The following KCNH1 variants were observed in gnomAD, a reference collection of about 807,000 sequenced individuals.
The protein encoded by KCNH1 is voltage-gated delayed rectifier potassium channel KCNH1.
A neutral mutation model predicts 69.2 loss-of-function variants in KCNH1; 27 were observed. The observed-to-expected ratio is 0.39, with a 90% CI of 0.29 to 0.54. The LOEUF is 0.54. KCNH1 is among the 20% of genes least tolerant of loss of function. The pLI, the probability that KCNH1 is intolerant of heterozygous loss-of-function variation, is 0.68. For synonymous variants in KCNH1, 456 were observed against 487.7 expected (o/e 0.93, Z 0.86); for missense variants, 798 against 1,261.6 (o/e 0.63, Z 5.57).
At chr1:210,978,051 T>C (rs531577548) in intron 6 of KCNH1, among the ~76,000 whole-genome samples, 1 of 151,986 alleles carries the variant, frequency 6.6e-6, no homozygotes, top group East Asian at 1.9e-4. Context: ...ATTTTTTTTT[T>C]TTTTTTTAGA....
At chr1:210,909,067 C>T (rs1051259330) in intron 7 of KCNH1, among the ~76,000 whole-genome samples, 1 of 152,204 alleles carries the variant, frequency 6.6e-6, no homozygotes, top group African/African-American at 2.4e-5. Context: ...AAATTATTCT[C>T]TCCCATGCAT....
intron 10 of KCNH1, among the ~76,000 whole-genome samples, chr1:210,705,200 G>A (rs1681878556): frequency 6.6e-6 from 1 of 152,236 alleles, no homozygotes; most frequent in Non-Finnish European, 1.5e-5. Context: ...CACCCGCTGA[G>A]AAGTATCTGA....
intron 7 of KCNH1, among the ~76,000 whole-genome samples, chr1:210,907,106 T>C (rs1687118517): frequency 6.6e-6 from 1 of 152,176 alleles, no homozygotes; most frequent in Non-Finnish European, 1.5e-5. Flanking sequence ...AATTTAAAAT[T>C]GTAACTTGGT....
chr1:210,830,181 G>A (rs1417638034), intron 7 of KCNH1, among the ~76,000 whole-genome samples: 2 of 152,070 alleles, frequency 1.3e-5, no homozygotes, highest in Non-Finnish European at 2.9e-5. Flanking sequence ...GTCTTTGCAT[G>A]GGCCACTCCC....
At chr1:210,761,023 C>A (rs7541814) in intron 10 of KCNH1, among the ~76,000 whole-genome samples, 2 of 151,576 alleles carry the variant, frequency 1.3e-5, no homozygotes, top group Non-Finnish European at 2.9e-5. Context: ...GAGGCCGAGG[C>A]GGGCGGATCA....
At chr1:210,858,746 T>C (rs1377613769) in intron 7 of KCNH1, 1 of 158,656 alleles carries the variant, frequency 6.3e-6, no homozygotes, top group Non-Finnish European at 1.4e-5. Context: ...TCTCACAGGT[T>C]TAAAAATTAC....
At chr1:210,810,647 T>A (rs1056269439) in intron 7 of KCNH1, among the ~76,000 whole-genome samples, 1 of 152,198 alleles carries the variant, frequency 6.6e-6, no homozygotes, top group Admixed American at 6.5e-5. Flanking sequence ...TTAATTTCCA[T>A]GAGATTTTTT....
At chr1:211,103,131 G>C (rs1242521395) in intron 3 of KCNH1, among the ~76,000 whole-genome samples, 2 of 152,200 alleles carry the variant, frequency 1.3e-5, no homozygotes, top group Non-Finnish European at 2.9e-5. Context: ...GTGGAAGATA[G>C]ATACAAAGAT....
intron 10 of KCNH1, among the ~76,000 whole-genome samples, chr1:210,708,973 C>G (rs6540620): frequency 6.6e-6 from 1 of 151,836 alleles, no homozygotes; most frequent in Non-Finnish European, 1.5e-5. Flanking sequence ...AAAGGGAAAA[C>G]TTTGGGCTGG....
intron 1 of KCNH1, among the ~76,000 whole-genome samples, chr1:211,112,515 A>AG (rs1691493177): frequency 6.8e-6 from 1 of 146,286 alleles, no homozygotes; most frequent in Non-Finnish European, 1.5e-5. Flanking sequence ...AAAAAAAAAA[A>AG]AAAAAAAACA....
chr1:210,685,824 A>G (rs1681397336), intron 10 of KCNH1, among the ~76,000 whole-genome samples: 1 of 152,216 alleles, frequency 6.6e-6, no homozygotes, highest in Non-Finnish European at 1.5e-5. Flanking sequence ...ATTGTTTTAT[A>G]GTGCCCAACA....
chr1:210,685,495 G>A (rs1681390528), intron 10 of KCNH1, among the ~76,000 whole-genome samples: 2 of 152,158 alleles, frequency 1.3e-5, no homozygotes, highest in South Asian at 4.1e-4. Context: ...CAGGAGCAGG[G>A]GTTTGGGGTC....
chr1:211,023,153 AATAAATAAATT>A (rs1558571739), intron 5 of KCNH1, among the ~76,000 whole-genome samples: 24 of 100,774 alleles, frequency 2.4e-4, no homozygotes, highest in Non-Finnish European at 3.9e-4. Context: ...TAAATAAATA[AATAAATAAATT>A]AAAAATGCTG....
intron 7 of KCNH1, among the ~76,000 whole-genome samples, chr1:210,892,943 T>C (rs113731290): frequency 3.3e-5 from 5 of 152,274 alleles, no homozygotes; most frequent in African/African-American, 9.6e-5. Context: ...TATATTATCA[T>C]GATAAATGCA....
intron 5 of KCNH1, among the ~76,000 whole-genome samples, chr1:211,020,098 A>C (rs971686827): frequency 2.0e-5 from 3 of 152,136 alleles, no homozygotes; most frequent in Admixed American, 1.3e-4. Flanking sequence ...AAGGAACGAG[A>C]AAAGCAAGAA....
intron 6 of KCNH1, among the ~76,000 whole-genome samples, chr1:210,937,796 G>T (rs140919460): frequency 6.6e-6 from 1 of 152,072 alleles, no homozygotes; most frequent in Non-Finnish European, 1.5e-5. Context: ...AGATTTGAAC[G>T]CTGACTACTA....
intron 7 of KCNH1, among the ~76,000 whole-genome samples, chr1:210,908,993 G>C (rs1284260412): frequency 6.6e-6 from 1 of 152,228 alleles, no homozygotes; most frequent in Non-Finnish European, 1.5e-5. Flanking sequence ...TTCTTGCAGT[G>C]ATGGTGGGTT....
intron 3 of KCNH1, among the ~76,000 whole-genome samples, chr1:211,092,048 A>G (rs894649863): frequency 6.6e-6 from 1 of 152,252 alleles, no homozygotes; most frequent in Admixed American, 6.5e-5. Flanking sequence ...AATACTTAGC[A>G]TACTATTTTA....
At chr1:210,937,390 T>C (rs768827376) in intron 6 of KCNH1, among the ~76,000 whole-genome samples, 1 of 152,208 alleles carries the variant, frequency 6.6e-6, no homozygotes, top group Non-Finnish European at 1.5e-5. Context: ...AAGCTGAGCA[T>C]GCCAGAATAC....
Sources: gnomAD v4.1 joint callset for allele counts (sites outside exome capture counted in the v4.1 genomes callset) on GRCh38, gnomAD v4.1.1 for gene constraint, MANE v1.5 for transcripts, NCBI Gene and HGNC (gene_info 2026-07-23, HGNC 2026-07-21) for gene names.